HS3ST4: variants seen among roughly 807,000 people sequenced by gnomAD.
The protein encoded by HS3ST4 is heparan sulfate-glucosamine 3-sulfotransferase 4, also known as heparan sulfate glucosamine 3-O-sulfotransferase 4.
HS3ST4 carries 17 observed loss-of-function variants against 29.2 expected under a neutral mutation model. The ratio of observed to expected loss-of-function variants is 0.58; its 90% CI spans 0.40 to 0.87. HS3ST4 has a LOEUF of 0.87. HS3ST4 is among the 40% of genes least tolerant of loss of function. The pLI, the probability that HS3ST4 is intolerant of heterozygous loss-of-function variation, is 0.00. For synonymous variants in HS3ST4, 314 were observed against 285.7 expected (o/e 1.10, Z -1.00); for missense variants, 627 against 634.5 (o/e 0.99, Z 0.13).
intron 1 of HS3ST4, among the ~76,000 whole-genome samples, chr16:25,969,591 G>A (rs1167950784): frequency 6.6e-6 from 1 of 152,126 alleles, no homozygotes; most frequent in Non-Finnish European, 1.5e-5. Flanking sequence ...ATATGGCCTG[G>A]GACAACTCTC....
chr16:25,989,464 GA>G (rs1969095515), intron 1 of HS3ST4, among the ~76,000 whole-genome samples: 1 of 152,224 alleles, frequency 6.6e-6, no homozygotes, highest in Admixed American at 6.5e-5. Flanking sequence ...AGGTCCGATG[GA>G]TTTCCATGGC....
At chr16:25,988,450 T>G (rs1969083579) in intron 1 of HS3ST4, among the ~76,000 whole-genome samples, 1 of 152,240 alleles carries the variant, frequency 6.6e-6, no homozygotes, top group African/African-American at 2.4e-5. Flanking sequence ...TTCTACTGCA[T>G]AGACTCATTT....
At chr16:26,037,787 C>A (rs1157770409) in intron 1 of HS3ST4, among the ~76,000 whole-genome samples, 1 of 152,136 alleles carries the variant, frequency 6.6e-6, no homozygotes, top group African/African-American at 2.4e-5. Flanking sequence ...AATTAGGGTG[C>A]CGCTACTTAA....
chr16:26,034,342 C>CCACAGCACCTTA (rs1236550447), intron 1 of HS3ST4, among the ~76,000 whole-genome samples: 1 of 152,174 alleles, frequency 6.6e-6, no homozygotes, highest in Non-Finnish European at 1.5e-5. Context: ...CGAAGCCTGA[C>CCACAGCACCTTA]CACAGCACCT....
At chr16:25,753,978 A>G (rs1224040479) in intron 1 of HS3ST4, among the ~76,000 whole-genome samples, 11 of 152,196 alleles carry the variant, frequency 7.2e-5, no homozygotes. Context: ...AAACAGAAAT[A>G]TACAACGTAA....
At chr16:25,715,339 A>C (rs1182910496) in intron 1 of HS3ST4, among the ~76,000 whole-genome samples, 2 of 38,230 alleles carry the variant, frequency 5.2e-5, no homozygotes, top group Non-Finnish European at 5.8e-5. Context: ...AAAAAAAAAA[A>C]AAAAAACCAA....
rs9940432 is a variant in HS3ST4, at chr16:25,818,868, G to A, written c.734+125717G>A. ...GATGTTCTCAGTAGTGGTGATATCT[G>A]AAGACAGAGGATGGATTCAGAGATA... On this transcript the variant is annotated intron_variant, in intron 1 of 1. Coordinates refer to ENST00000331351, the MANE Select transcript of HS3ST4 (RefSeq NM_006040.3). Among the ~76,000 whole-genome samples the A allele has an allele frequency of 2.2e-3, 339 of 151,880 alleles. 3 individuals carry two copies. The highest frequency in any genetic ancestry group is 7.5e-3 in the African/African-American group (310 of 41,384).
At chr16:25,722,398 G>A (rs1404905198) in intron 1 of HS3ST4, among the ~76,000 whole-genome samples, 1 of 152,138 alleles carries the variant, frequency 6.6e-6, no homozygotes, top group African/African-American at 2.4e-5. Flanking sequence ...CATTTTATTT[G>A]TGTAGGTCCA....
In HS3ST4 at chr16:25,693,092, G is replaced by A. The variant is rs752580524; in HGVS notation, c.675G>A (p.Ala225=). 3.2e-5 allele frequency: 51 copies of A among 1,608,562 alleles called. No individual in the cohort carries two copies. The East Asian group carries it at 1.1e-3, about 35-fold the overall frequency. The change falls in exon 1 of 2, where the codon GCG becomes GCA. Residue 225 remains alanine (A), a synonymous_variant. Transcript: ENST00000331351. ...EAIRVHPDVR[A]VGVEPHFFDR... ...TCCGCGTGCACCCGGACGTGCGGGC[G>A]GTGGGCGTAGAGCCGCACTTCTTCG...
At chr16:25,900,448 T>G (rs1968110538) in intron 1 of HS3ST4, among the ~76,000 whole-genome samples, 1 of 152,204 alleles carries the variant, frequency 6.6e-6, no homozygotes, top group African/African-American at 2.4e-5. Flanking sequence ...ATTTTGTTTT[T>G]GATTTATTTT....
chr16:26,044,848 A>G (rs1260735847), intron 1 of HS3ST4, among the ~76,000 whole-genome samples: 3 of 152,072 alleles, frequency 2.0e-5, no homozygotes, highest in Non-Finnish European at 4.4e-5. Context: ...ATACAACCTG[A>G]TGGAAGCTGG....
At chr16:25,804,027 C>T (rs1966965837) in intron 1 of HS3ST4, among the ~76,000 whole-genome samples, 1 of 152,040 alleles carries the variant, frequency 6.6e-6, no homozygotes, top group Non-Finnish European at 1.5e-5. Context: ...CAACTCTGTC[C>T]CCTGAGGTTA....
intron 1 of HS3ST4, among the ~76,000 whole-genome samples, chr16:26,034,354 A>C (rs1021068677): frequency 3.3e-5 from 5 of 152,194 alleles, no homozygotes; most frequent in African/African-American, 1.2e-4. Flanking sequence ...ACAGCACCTT[A>C]CATTCACCAT....
intron 1 of HS3ST4, among the ~76,000 whole-genome samples, chr16:25,709,315 G>A (rs1370392409): frequency 6.6e-6 from 1 of 152,068 alleles, no homozygotes; most frequent in Non-Finnish European, 1.5e-5. Flanking sequence ...AGTTCTTAGG[G>A]GTCGTGCACA....
chr16:26,088,146 C>T (rs934109127), intron 1 of HS3ST4, among the ~76,000 whole-genome samples: 4 of 152,170 alleles, frequency 2.6e-5, no homozygotes, highest in East Asian at 1.9e-4. Context: ...CACCCCTGCC[C>T]GGCATGCTAT....
intron 1 of HS3ST4, among the ~76,000 whole-genome samples, chr16:26,002,719 G>A (rs918076614): frequency 2.6e-5 from 3 of 114,234 alleles, no homozygotes; most frequent in Non-Finnish European, 6.2e-5. Flanking sequence ...AAGGAAGGAA[G>A]GGAGGGAGGG....
intron 1 of HS3ST4, among the ~76,000 whole-genome samples, chr16:26,127,397 G>C (rs1489057286): frequency 6.6e-6 from 1 of 152,224 alleles, no homozygotes; most frequent in Non-Finnish European, 1.5e-5. Flanking sequence ...AGGATTGCTT[G>C]AAACCAGAAG....
intron 1 of HS3ST4, among the ~76,000 whole-genome samples, chr16:25,941,824 C>T (rs1968575142): frequency 1.3e-5 from 2 of 151,972 alleles, no homozygotes; most frequent in Admixed American, 1.3e-4. Flanking sequence ...GATCCTCCCA[C>T]CTCAGCCTCC....
chr16:26,047,392 AC>A (rs1350792849), intron 1 of HS3ST4, among the ~76,000 whole-genome samples: 5 of 152,190 alleles, frequency 3.3e-5, no homozygotes, highest in African/African-American at 1.2e-4. Context: ...GACTGTAGCA[AC>A]CTTTCATTTA....
Sources: allele counts gnomAD v4.1 joint callset (sites outside exome capture counted in the v4.1 genomes callset), GRCh38; gene constraint gnomAD v4.1.1; transcripts MANE v1.5; gene names NCBI Gene and HGNC (gene_info 2026-07-23, HGNC 2026-07-21).